The following MYO3A variants were observed in gnomAD, a reference collection of about 807,000 sequenced individuals.
MYO3A encodes myosin IIIA.
MYO3A carries 180 observed loss-of-function variants against 192.7 expected under a neutral mutation model. The observed-to-expected ratio is 0.93, with a 90% confidence interval of 0.83 to 1.06. MYO3A has a LOEUF of 1.06. Ranked by LOEUF, MYO3A falls within the 50% of genes least tolerant of loss-of-function variation. The probability of loss-of-function intolerance (pLI) is 0.00; values close to 1 mark genes in which losing one functional copy is unlikely to be tolerated. For missense variants in MYO3A, 1,896 were observed against 1,905.0 expected (o/e 1.00, Z 0.09); for synonymous variants, 628 against 645.3 (o/e 0.97, Z 0.41).
At chr10:25,947,051 A>C (rs1048693251) in intron 2 of MYO3A, among the ~76,000 whole-genome samples, 1 of 151,612 alleles carries the variant, frequency 6.6e-6, no homozygotes, top group Non-Finnish European at 1.5e-5. Context: ...CTCATAATGT[A>C]TATATTGGTC....
intron 4 of MYO3A, among the ~76,000 whole-genome samples, chr10:25,976,499 A>G (rs904917095): frequency 4.1e-4 from 63 of 152,316 alleles, no homozygotes; most frequent in African/African-American, 1.5e-3. Flanking sequence ...TTTGAGTAAA[A>G]ATCTCATGTC....
chr10:26,062,404 C>A (rs1834541080), intron 10 of MYO3A, among the ~76,000 whole-genome samples: 1 of 150,044 alleles, frequency 6.7e-6, no homozygotes. Flanking sequence ...GTAGTCTCAG[C>A]TACTCGGGAG....
At chr10:26,110,103 A>G (rs1419143309) in intron 17 of MYO3A, among the ~76,000 whole-genome samples, 1 of 152,214 alleles carries the variant, frequency 6.6e-6, no homozygotes, top group Non-Finnish European at 1.5e-5. Flanking sequence ...TCGTGAGCTG[A>G]AGTTAAATGA....
intron 17 of MYO3A, among the ~76,000 whole-genome samples, chr10:26,100,282 T>C (rs1837352838): frequency 6.6e-6 from 1 of 152,220 alleles, no homozygotes; most frequent in Non-Finnish European, 1.5e-5. Context: ...TGCATCTGTT[T>C]GATTCTTCTC....
chr10:26,173,992 G>C lies in MYO3A; in HGVS notation c.3728G>C (p.Arg1243Thr). The C allele has an allele frequency of 1.9e-6, 3 of 1,609,424 alleles. No individual in the cohort carries two copies. The highest frequency in any genetic ancestry group is 2.5e-6 in the Non-Finnish European group (3 of 1,178,714). ...EEAMIQSYYQ[R>T]YTEERNCEES... is the part of the protein sequence containing the mutation. ...GCTATGATCCAGAGTTACTATCAGA[G>C]GTACACAGAGGAGAGGAATTGTGAA... is the stretch of plus-strand genomic sequence containing the variant. Residue 1243 changes from arginine (R) to threonine (T), a missense_variant, in exon 30 of 35, where the codon AGG becomes ACG. Arg to Thr is a moderately conservative substitution (Grantham distance 71). Coordinates refer to ENST00000642920, the MANE Select transcript of MYO3A (RefSeq NM_017433.5).
chr10:26,020,983 G>T (rs1019004902), intron 7 of MYO3A, among the ~76,000 whole-genome samples: 10 of 152,146 alleles, frequency 6.6e-5, no homozygotes, highest in African/African-American at 2.4e-4. Flanking sequence ...TAAACCTTTT[G>T]CATTCCTCCA....
Position 26,101,273 on chromosome 10 carries a change from T to A in MYO3A, c.1776+4591T>A, listed in dbSNP as rs991232488. 3.9e-5 allele frequency among the ~76,000 whole-genome samples: 6 copies of A among 152,192 alleles called. 1 individual carries two copies. The highest frequency in any genetic ancestry group is 3.9e-4 in the Admixed American group (6 of 15,278). On this transcript the variant is annotated intron_variant, in intron 17 of 34. Transcript: ENST00000642920. ...GGTGGATCTTCCTCCAAACCTTTAT[T>A]TTGAACCTGTGTGTGTCTCTGCACA...
intron 27 of MYO3A, among the ~76,000 whole-genome samples, chr10:26,167,828 A>AATT (rs1841839077): frequency 6.6e-6 from 1 of 152,212 alleles, no homozygotes; most frequent in African/African-American, 2.4e-5. Flanking sequence ...ACACTGAGAG[A>AATT]ATTCTACAGT....
chr10:26,160,194 T>G, intron 26 of MYO3A, among the ~76,000 whole-genome samples: 1 of 152,198 alleles, frequency 6.6e-6, no homozygotes, highest in Admixed American at 6.5e-5. Flanking sequence ...TGCTAAGCAC[T>G]GTGGGAGACA....
At chr10:25,946,870 TC>T (rs1836867065) in intron 2 of MYO3A, among the ~76,000 whole-genome samples, 1 of 86,976 alleles carries the variant, frequency 1.1e-5, no homozygotes, top group South Asian at 4.8e-4. Flanking sequence ...AGAGTGAGAC[TC>T]CGTCTCAAAA....
chr10:26,095,447 C>T (rs1426794405), intron 15 of MYO3A, among the ~76,000 whole-genome samples: 6 of 152,026 alleles, frequency 3.9e-5, no homozygotes, highest in Admixed American at 6.6e-5. Flanking sequence ...GATGCAAACC[C>T]CAGGGTGTCC....
At chr10:26,175,450 GAAGT>G (rs1046011957) in intron 30 of MYO3A, among the ~76,000 whole-genome samples, 2 of 152,178 alleles carry the variant, frequency 1.3e-5, no homozygotes, top group African/African-American at 4.8e-5. Context: ...AATGGTGTAT[GAAGT>G]AATAAAAGAA....
intron 31 of MYO3A, among the ~76,000 whole-genome samples, chr10:26,180,582 A>G (rs992532445): frequency 1.1e-4 from 16 of 152,294 alleles, no homozygotes; most frequent in African/African-American, 3.1e-4. Context: ...TTGTAGGACT[A>G]TTAGCAGACA....
At chr10:26,166,340 C>T (rs1841750180) in intron 27 of MYO3A, 162 bp downstream of exon 27, 3 of 703,300 alleles carry the variant, frequency 4.3e-6, no homozygotes, top group Admixed American at 5.0e-5. Context: ...TTTTCTTTTT[C>T]GTCAACATTA....
chr10:26,153,163 T>A (rs1045038280), intron 23 of MYO3A, among the ~76,000 whole-genome samples: 1 of 152,224 alleles, frequency 6.6e-6, no homozygotes, highest in Non-Finnish European at 1.5e-5. Context: ...GCCTTCCATG[T>A]GCCAGACATA....
At chr10:26,087,025 T>G (rs1836374840) in intron 14 of MYO3A, among the ~76,000 whole-genome samples, 1 of 152,318 alleles carries the variant, frequency 6.6e-6, no homozygotes, top group African/African-American at 2.4e-5. Context: ...TCACATCTTA[T>G]CTTGTTTTTA....
chr10:26,159,028 G>A (rs1222380127), intron 26 of MYO3A, among the ~76,000 whole-genome samples: 5 of 146,076 alleles, frequency 3.4e-5, no homozygotes, highest in Admixed American at 2.1e-4. Context: ...TTTTTTTTGA[G>A]ACGGAGTCTT....
intron 10 of MYO3A, among the ~76,000 whole-genome samples, chr10:26,054,859 A>C (rs1169870288): frequency 1.3e-5 from 2 of 152,240 alleles, no homozygotes; most frequent in Admixed American, 1.3e-4. Flanking sequence ...TTTCCAGATG[A>C]AACTGATTTG....
At chr10:26,152,794 C>A (rs980218291) in intron 23 of MYO3A, among the ~76,000 whole-genome samples, 3 of 152,308 alleles carry the variant, frequency 2.0e-5, no homozygotes, top group East Asian at 1.9e-4. Flanking sequence ...GTGTGCAGGG[C>A]AAGCCTAGCA....
Sources: allele counts gnomAD v4.1 joint callset (sites outside exome capture counted in the v4.1 genomes callset), GRCh38; gene constraint gnomAD v4.1.1; transcripts MANE v1.5; gene names NCBI Gene and HGNC (gene_info 2026-07-23, HGNC 2026-07-21).